Variants in ALG1 observed in about 807,000 individuals in gnomAD.
ALG1 encodes chitobiosyldiphosphodolichol beta-mannosyltransferase.
A neutral mutation model predicts 55.1 loss-of-function variants in ALG1; 58 were observed. The observed-to-expected ratio is 1.05, with a 90% CI of 0.85 to 1.31. ALG1 has a LOEUF of 1.31. ALG1 is among the 50% of genes most tolerant of loss of function. The pLI is 0.00. For synonymous variants in ALG1, 309 were observed against 247.0 expected, an observed-to-expected ratio of 1.25 and a Z score of -2.35; for missense variants, 761 against 598.6, an observed-to-expected ratio of 1.27 and a Z score of -2.83.
chr16:5,081,110 G>GGA, intron 10 of ALG1, 54 bp downstream of exon 10: 1 of 519,952 alleles, frequency 1.9e-6, no homozygotes. Flanking sequence ...GGGTGGGCGG[G>GGA]ATGTACTTTT....
chr16:5,081,313 G>C (rs541384782), intron 10 of ALG1, among the ~76,000 whole-genome samples: 2 of 152,310 alleles, frequency 1.3e-5, no homozygotes, highest in African/African-American at 2.4e-5. Context: ...CCTTCCTGCA[G>C]GAGGGCTGGG....
rs538362307 is a variant in ALG1 at position 5,075,321 on chromosome 16, A to G, written c.391-67A>G. The G allele has an allele frequency of 9.7e-6, 15 of 1,549,240 alleles. No homozygotes were observed. In the East Asian group the frequency reaches 1.6e-4, roughly 16 times the overall value. ...ACTCATCACCATGTGTGTTGTGACT[A>G]TTTTTACTGGGTTTATTGCCTAGCA... On this transcript the variant is annotated intron_variant, in intron 3 of 12. Coordinates refer to ENST00000262374, the MANE Select transcript of ALG1 (RefSeq NM_019109.5).
In ALG1 at chr16:5,075,477, C is replaced by T. The variant is rs140674382; in HGVS notation, c.480C>T (p.Gly160=). ...SKLVIDWHNY[G]YSIMGLVHGP... ...TCGTCATTGACTGGCACAACTATGGCTACTCCATCATGGGTCTGGTGCATG... is the reference window on the plus strand; with the variant it reads ...TCGTCATTGACTGGCACAACTATGGTTACTCCATCATGGGTCTGGTGCATG... Residue 160 remains glycine, a synonymous_variant, in exon 4 of 13, where the codon GGC becomes GGT. Coordinates refer to ENST00000262374, the MANE Select transcript of ALG1 (RefSeq NM_019109.5). 167 of 1,614,066 alleles carry T rather than the reference C, an allele frequency of 1.0e-4. No homozygotes were observed. The highest frequency in any genetic ancestry group is 7.7e-5 in the South Asian group (7 of 91,090).
chr16:5,075,088 G>T (rs1021156050), intron 3 of ALG1, among the ~76,000 whole-genome samples: 3 of 152,110 alleles, frequency 2.0e-5, no homozygotes, highest in African/African-American at 7.2e-5. Flanking sequence ...ATTTTTTGTA[G>T]AGATGAGGTC....
intron 3 of ALG1, among the ~76,000 whole-genome samples, chr16:5,074,753 C>T (rs1371553123): frequency 2.0e-5 from 3 of 152,194 alleles, no homozygotes; most frequent in African/African-American, 7.2e-5. Context: ...TACCTCTTCT[C>T]CCCCATGCTT....
In ALG1 at chr16:5,078,834, T is replaced by C. The variant is rs764951561; in HGVS notation, c.818T>C (p.Leu273Pro). The C allele has an allele frequency of 1.2e-6, 2 of 1,612,110 alleles. No homozygotes were observed. The highest frequency in any genetic ancestry group is 1.7e-6 in the Non-Finnish European group (2 of 1,179,770). Residue 273 changes from leucine to proline, a missense_variant, in exon 7 of 13, where the codon CTC becomes CCC. Physicochemically the swap from Leu to Pro is moderately conservative, Grantham distance 98 (BLOSUM62 -3). Transcript: ENST00000262374. ...RDAGSGLVTR[L>P]RERPALLVSS... ...GCTGGGAGCGGGCTGGTGACGCGTC[T>C]CCGTGAGCGGCCAGCCCTGCTGGTC...
At chr16:5,072,734 G>A (rs138952425) in intron 1 of ALG1, among the ~76,000 whole-genome samples, 1 of 152,332 alleles carries the variant, frequency 6.6e-6, no homozygotes, top group Non-Finnish European at 1.5e-5. Flanking sequence ...CATGTTAAGT[G>A]AAGGTAGGTA....
intron 8 of ALG1, among the ~76,000 whole-genome samples, chr16:5,079,399 T>G (rs8055679): frequency 6.6e-6 from 1 of 151,818 alleles, no homozygotes; most frequent in Non-Finnish European, 1.5e-5. Context: ...TATTTAAAAA[T>G]TTTTTTCTGA....
rs1213082025 is a variant in ALG1, at chr16:5,086,606, ATTT to A, written c.*1730_*1732del. 1.3e-5 allele frequency: 2 copies of A among 151,502 alleles called. No homozygotes were observed. Among genetic ancestry groups the A allele is most frequent in the African/African-American group, 4.9e-5 (2 of 41,168 alleles). The allele number at this position is 151,502 out of a possible 1,614,324, so 9.4% of individuals were successfully genotyped here. ...ACAGGTGCGTGCCACCATGCCAGTA[ATTT>A]TTTTATTTTGTAGAGATGGGGTCCT... On this transcript the variant is annotated 3_prime_UTR_variant, in exon 13 of 13. Transcript: ENST00000262374.
rs187287792 is a variant in ALG1, at chr16:5,073,001, G to A, written c.259G>A (p.Gly87Arg). ...LLQNNRIQIV[G>R]LTELQSLAVG... is the part of the protein sequence containing the mutation. ...GCAGAACAACAGAATTCAGATTGTG[G>A]GGTTGACAGAACTTCAGAGTCTTGC... is the stretch of plus-strand genomic sequence containing the variant. The change falls in exon 2 of 13, where the codon GGG (glycine) becomes AGG (arginine). Residue 87 changes from glycine (G) to arginine (R), a missense_variant. Transcript: ENST00000262374. 6.2e-7 allele frequency: 1 copy of A among 1,614,186 alleles called. No individual in the cohort carries two copies. The highest frequency in any genetic ancestry group is 1.3e-5 in the African/African-American group (1 of 75,022).
intron 4 of ALG1, among the ~76,000 whole-genome samples, chr16:5,075,777 A>G (rs967606797): frequency 2.0e-5 from 3 of 152,192 alleles, no homozygotes; most frequent in Non-Finnish European, 2.9e-5. Flanking sequence ...CGAGCTCAGC[A>G]GTGTCACTGG....
rs924911791 is a variant in ALG1 at position 5,079,662 on chromosome 16, C to G, written c.902-86C>G. The G allele has an allele frequency of 8.9e-5, 131 of 1,474,080 alleles. No homozygotes were observed. In the African/African-American group the frequency reaches 1.7e-3, roughly 19 times the overall value. The allele number at this position is 1,474,080 out of a possible 1,614,324, so 91.3% of individuals were successfully genotyped here. A position where few individuals can be genotyped will look rare whatever the true frequency, so the allele number is the denominator to read the frequency against. On this transcript the variant is annotated intron_variant, in intron 8 of 12. Transcript: ENST00000262374. ...TGAGATCGCGCCATTGCATTCCAGC[C>G]TGGGTGACAGAGTGAGAGTCTGTCA... is the stretch of plus-strand genomic sequence containing the variant.
intron 4 of ALG1, 114 bp downstream of exon 4, chr16:5,075,650 TGG>T (rs1956899017): frequency 7.5e-7 from 1 of 1,333,348 alleles, no homozygotes; most frequent in Non-Finnish European, 1.1e-6. Flanking sequence ...CTGCAGGAGG[TGG>T]GGTGAGGCTG....
At position 5,085,679 on chromosome 16, in the gene ALG1, G is replaced by T; in HGVS notation, c.*798G>T. ...GCCATCTCCAAGTGCTCTTCGTAGG[G>T]AAACAGTTTCTGCTCATGACGAGGT... On this transcript the variant is annotated 3_prime_UTR_variant, in exon 13 of 13. Coordinates refer to ENST00000262374, the MANE Select transcript of ALG1 (RefSeq NM_019109.5). 6.2e-7 allele frequency: 1 copy of T among 1,611,912 alleles called. No individual in the cohort carries two copies. Among genetic ancestry groups the T allele is most frequent in the Non-Finnish European group, 8.5e-7 (1 of 1,179,788 alleles).
In ALG1 at chr16:5,078,782, G is replaced by A. The variant is rs147412842; in HGVS notation, c.766G>A (p.Glu256Lys). The part of the protein sequence containing the change: ...ARSEPEDPVT[E>K]RSAFTERDAG... Reference sequence around the variant, plus strand: ...CTCAGAACCTGAGGACCCAGTCACGGAGCGGTCGGCCTTCACGGAGCGGGA... The same window carrying A: ...CTCAGAACCTGAGGACCCAGTCACGAAGCGGTCGGCCTTCACGGAGCGGGA... Residue 256 changes from glutamate to lysine, a missense_variant, in exon 7 of 13, where the codon GAG becomes AAG. Glu to Lys is a moderately conservative substitution (Grantham distance 56, BLOSUM62 1). Transcript: ENST00000262374. The A allele has an allele frequency of 5.5e-4, 888 of 1,612,904 alleles. 4 individuals carry two copies. The highest frequency in any genetic ancestry group is 1.9e-3 in the African/African-American group (144 of 75,042).
In ALG1 at chr16:5,085,032, C is replaced by T. The variant is rs1174714635; in HGVS notation, c.*151C>T. 6 of 1,425,204 alleles carry T rather than the reference C, an allele frequency of 4.2e-6. No individual in the cohort carries two copies. In the African/African-American group the frequency reaches 4.2e-5, roughly 10 times the overall value. The allele number at this position is 1,425,204 out of a possible 1,614,324, so 88.3% of individuals were successfully genotyped here. ...GTACTGCCTGGTAAAAGAATTGGTT[C>T]TGTGACCCGGGAAGCTTTGGTTGGC... On this transcript the variant is annotated 3_prime_UTR_variant, in exon 13 of 13. Transcript: ENST00000262374.
At chr16:5,072,285 G>T (rs548094776) in intron 1 of ALG1, 3 of 1,439,752 alleles carry the variant, frequency 2.1e-6, no homozygotes, top group Middle Eastern at 2.5e-4. Flanking sequence ...CCATTGCGTG[G>T]TCTCACGTAA....
At chr16:5,077,579 C>T (rs1392376033) in intron 5 of ALG1, 45 bp downstream of exon 5, 4 of 1,577,664 alleles carry the variant, frequency 2.5e-6, no homozygotes, top group Admixed American at 3.3e-5. Flanking sequence ...GGCGCGGGGC[C>T]CCTGATTGGC....
At position 5,075,433 on chromosome 16, in the gene ALG1, T is replaced by G; in HGVS notation, c.436T>G (p.Cys146Gly). 1.9e-6 allele frequency: 3 copies of G among 1,614,196 alleles called. No individual in the cohort carries two copies. Among genetic ancestry groups the G allele is most frequent in the Non-Finnish European group, 2.5e-6 (3 of 1,180,038 alleles). The change falls in exon 4 of 13, where the codon TGC becomes GGC. Residue 146 changes from cysteine (C) to glycine (G), a missense_variant. By Grantham distance (159) the Cys-to-Gly change is radical (BLOSUM62 -3). Transcript: ENST00000262374. Reference sequence around the variant, plus strand: ...CATTGCTGTCTGCTGGTTCGTGGGCTGCCTTTGTGGAAGCAAGCTCGTCAT... The same window carrying G: ...CATTGCTGTCTGCTGGTTCGTGGGCGGCCTTTGTGGAAGCAAGCTCGTCAT... Reference protein sequence around the residue: ...PSIAVCWFVGCLCGSKLVIDW... With the variant: ...PSIAVCWFVGGLCGSKLVIDW...
Sources: gnomAD v4.1 joint callset for allele counts (sites outside exome capture counted in the v4.1 genomes callset) on GRCh38, gnomAD v4.1.1 for gene constraint, MANE v1.5 for transcripts, NCBI Gene and HGNC (gene_info 2026-07-23, HGNC 2026-07-21) for gene names.